The following NFX1 variants were observed in gnomAD, a reference collection of about 807,000 sequenced individuals.
NFX1 encodes transcriptional repressor NF-X1.
A neutral mutation model predicts 137.2 loss-of-function variants in NFX1; 69 were observed. The observed-to-expected ratio is 0.50, with a 90% CI of 0.41 to 0.61. The LOEUF is 0.61. Among genes scored for constraint, NFX1 ranks in the 20% least tolerant of loss-of-function variants. The probability of loss-of-function intolerance (pLI) is 0.00; values close to 1 mark genes in which losing one functional copy is unlikely to be tolerated. For missense variants in NFX1, 1,167 were observed against 1,391.0 expected (o/e 0.84, Z 2.56); for synonymous variants, 495 against 474.1 (o/e 1.04, Z -0.57).
chr9:33,296,818 C>G (rs1482431711), intron 2 of NFX1, among the ~76,000 whole-genome samples: 2 of 152,198 alleles, frequency 1.3e-5, no homozygotes, highest in Non-Finnish European at 2.9e-5. Context: ...ACGCTTATGT[C>G]TTTCTCTTAA....
chr9:33,312,629 G>A (rs1383798276), intron 6 of NFX1, among the ~76,000 whole-genome samples: 1 of 152,222 alleles, frequency 6.6e-6, no homozygotes, highest in Non-Finnish European at 1.5e-5. Flanking sequence ...CCAGCATTTC[G>A]GGAGGCCGAG....
At chr9:33,362,653 T>A (rs999818268) in intron 19 of NFX1, among the ~76,000 whole-genome samples, 2 of 149,328 alleles carry the variant, frequency 1.3e-5, no homozygotes, top group Non-Finnish European at 3.0e-5. Context: ...GGTCAGTGGA[T>A]ATAAAGTTAC....
intron 7 of NFX1, among the ~76,000 whole-genome samples, chr9:33,314,045 G>C (rs1266764036): frequency 2.6e-5 from 4 of 151,856 alleles, no homozygotes; most frequent in Admixed American, 2.6e-4. Context: ...GTGCAGTGGC[G>C]TGATCCTAGC....
chr9:33,347,472 C>A (rs866810586), intron 15 of NFX1, among the ~76,000 whole-genome samples: 1 of 152,048 alleles, frequency 6.6e-6, no homozygotes, highest in Non-Finnish European at 1.5e-5. Context: ...CTTTAAAATA[C>A]CAAATTTTTT....
At chr9:33,355,618 T>C (rs907662896) in intron 19 of NFX1, among the ~76,000 whole-genome samples, 2 of 151,728 alleles carry the variant, frequency 1.3e-5, no homozygotes, top group African/African-American at 4.8e-5. Context: ...GTTAGACTAT[T>C]ACAAATAAAA....
intron 15 of NFX1, among the ~76,000 whole-genome samples, chr9:33,349,852 T>G (rs1429437284): frequency 6.6e-6 from 1 of 151,882 alleles, no homozygotes; most frequent in Non-Finnish European, 1.5e-5. Context: ...CTACAAATAA[T>G]ACAAAAATTA....
chr9:33,345,966 T>C (rs981107498), intron 14 of NFX1, among the ~76,000 whole-genome samples: 1 of 152,212 alleles, frequency 6.6e-6, no homozygotes, highest in Admixed American at 6.5e-5. Context: ...CCTGAAGTAA[T>C]TCAGGGGACC....
intron 19 of NFX1, among the ~76,000 whole-genome samples, chr9:33,362,951 G>A (rs969508717): frequency 2.6e-5 from 4 of 151,802 alleles, no homozygotes; most frequent in East Asian, 3.9e-4. Flanking sequence ...TGATCCGCCC[G>A]CCTCGGCCTC....
intron 23 of NFX1, among the ~76,000 whole-genome samples, chr9:33,368,442 G>T (rs199963322): frequency 6.6e-6 from 1 of 152,150 alleles, no homozygotes; most frequent in Non-Finnish European, 1.5e-5. Context: ...TCTCAGACAG[G>T]AGCAGGGAAG....
At chr9:33,350,636 A>T (rs774708199) in intron 15 of NFX1, among the ~76,000 whole-genome samples, 1 of 152,256 alleles carries the variant, frequency 6.6e-6, no homozygotes, top group Non-Finnish European at 1.5e-5. Context: ...ATCTCAAACT[A>T]ACCTTTCAGA....
At chr9:33,290,747 T>C (rs2118122320) in intron 1 of NFX1, 150 bp downstream of exon 1, 1 of 716,736 alleles carries the variant, frequency 1.4e-6, no homozygotes, top group East Asian at 3.0e-5. Flanking sequence ...GCCCCGCGCA[T>C]CGTGCGTACG....
intron 14 of NFX1, among the ~76,000 whole-genome samples, chr9:33,346,665 G>A (rs1391993302): frequency 2.6e-5 from 4 of 152,318 alleles, no homozygotes; most frequent in Admixed American, 2.6e-4. Flanking sequence ...AAGCATTTTA[G>A]ATGGAATTAA....
At chr9:33,316,612 A>G (rs1822172386) in intron 7 of NFX1, among the ~76,000 whole-genome samples, 1 of 152,166 alleles carries the variant, frequency 6.6e-6, no homozygotes, top group South Asian at 2.1e-4. Flanking sequence ...CCATGTAAAT[A>G]GTTTATCTTC....
At chr9:33,338,478 GT>G (rs535099134) in intron 11 of NFX1, 31 bp from the exon 12 acceptor site, 297 of 1,399,730 alleles carry the variant, frequency 2.1e-4, no homozygotes, top group Admixed American at 4.1e-4. Flanking sequence ...CCTTTGTCTG[GT>G]TTTTTTTTTC....
intron 9 of NFX1, among the ~76,000 whole-genome samples, chr9:33,320,089 G>A (rs932864438): frequency 2.0e-5 from 3 of 151,210 alleles, no homozygotes; most frequent in African/African-American, 7.3e-5. Flanking sequence ...GGCCTCCCGA[G>A]TAGCTGGGAT....
At position 33,347,030 on chromosome 9, in the gene NFX1, T is replaced by C; in HGVS notation, c.2345-8T>C. ...AGTATTCCTAAAGTTACCTTTCTCT[T>C]TCTGCAGTATATCATTCTTGTCATA... On this transcript the variant is annotated splice_polypyrimidine_tract_variant and splice_region_variant and intron_variant, in intron 14 of 23. Transcript: ENST00000379540. 6.2e-7 allele frequency: 1 copy of C among 1,606,430 alleles called. No individual in the cohort carries two copies. Among genetic ancestry groups the C allele is most frequent in the Non-Finnish European group, 8.5e-7 (1 of 1,173,808 alleles).
chr9:33,365,689 G>A (rs1301623158), intron 21 of NFX1: 1 of 152,204 alleles, frequency 6.6e-6, no homozygotes, highest in Non-Finnish European at 1.5e-5. Context: ...TGGGTGAGGG[G>A]GCTCAATAGT....
At chr9:33,364,178 C>G in intron 20 of NFX1, 70 bp downstream of exon 20, 2 of 973,380 alleles carry the variant, frequency 2.1e-6, no homozygotes, top group South Asian at 3.2e-5. Context: ...GATGTCATAA[C>G]TAATATGTAC....
At chr9:33,297,834 A>G (rs952052201) in intron 2 of NFX1, among the ~76,000 whole-genome samples, 1 of 151,862 alleles carries the variant, frequency 6.6e-6, no homozygotes, top group African/African-American at 2.4e-5. Context: ...TTGATTTTCA[A>G]CTCTTTTAAA....
Sources: allele counts gnomAD v4.1 joint callset (sites outside exome capture counted in the v4.1 genomes callset), GRCh38; gene constraint gnomAD v4.1.1; transcripts MANE v1.5; gene names NCBI Gene and HGNC (gene_info 2026-07-23, HGNC 2026-07-21).